Variants in CAMTA1 observed in about 807,000 individuals in gnomAD.
CAMTA1 encodes the protein calmodulin binding transcription activator 1, also known as calmodulin-binding transcription activator 1.
CAMTA1 carries 27 observed loss-of-function variants against 170.9 expected under a neutral mutation model. That is an observed-to-expected ratio of 0.16 (90% CI 0.12 to 0.22). The LOEUF is 0.22. Among genes scored for constraint, CAMTA1 ranks in the 10% least tolerant of loss-of-function variants. CAMTA1 has a pLI of 1.00. For missense variants in CAMTA1, 1,619 were observed against 2,217.2 expected (o/e 0.73, Z 5.42); for synonymous variants, 833 against 891.5 (o/e 0.93, Z 1.17).
chr1:7,684,698 T>C (rs752411855), intron 11 of CAMTA1, among the ~76,000 whole-genome samples: 1 of 152,234 alleles, frequency 6.6e-6, no homozygotes, highest in Non-Finnish European at 1.5e-5. Context: ...GAATTACTAA[T>C]TACATTTGTA....
Position 7,249,465 on chromosome 1 carries a change from G to T in CAMTA1, c.303-26G>T. On this transcript the variant is annotated intron_variant, in intron 4 of 22. Transcript: ENST00000303635. The surrounding 1 kb of genome is among the most constrained non-coding windows in gnomAD (Gnocchi z 4.4). ...ATTTTTCTTCTACTTGGTACTCTTGGTAACTTAACCATTTGTTGTTTCCAG... is the reference window on the plus strand; with the variant it reads ...ATTTTTCTTCTACTTGGTACTCTTGTTAACTTAACCATTTGTTGTTTCCAG... 2 of 1,599,436 alleles carry T rather than the reference G, an allele frequency of 1.3e-6. No individual in the cohort carries two copies. Among genetic ancestry groups the T allele is most frequent in the Non-Finnish European group, 1.7e-6 (2 of 1,171,418 alleles).
intron 6 of CAMTA1, among the ~76,000 whole-genome samples, chr1:7,523,688 C>T (rs556511419): frequency 6.7e-6 from 1 of 149,714 alleles, no homozygotes; most frequent in African/African-American, 2.5e-5. Context: ...ACCATCCTGG[C>T]TAACACGGTG....
chr1:6,814,829 T>C lies in CAMTA1; in HGVS notation c.46-5352T>C, dbSNP rs536356928. Among the ~76,000 whole-genome samples the C allele has an allele frequency of 8.5e-5, 13 of 152,356 alleles. No individual in the cohort carries two copies. The South Asian group carries it at 1.2e-3, about 15-fold the overall frequency. On this transcript the variant is annotated intron_variant, in intron 1 of 22. Coordinates refer to ENST00000303635, the MANE Select transcript of CAMTA1 (RefSeq NM_015215.4). ...AGAACGGTAAATACACTTTTCATTA[T>C]GCTGTTTCTCTGTTCCAAAGCCTGT...
In CAMTA1 at chr1:7,561,900, A is replaced by C. The variant is rs557146583; in HGVS notation, c.511-78500A>C. 6.6e-6 allele frequency among the ~76,000 whole-genome samples: 1 copy of C among 152,136 alleles called. No individual in the cohort carries two copies. The highest frequency in any genetic ancestry group is 2.1e-4 in the South Asian group (1 of 4,826). On this transcript the variant is annotated intron_variant, in intron 6 of 22. Transcript: ENST00000303635. This position sits in a 1 kb window ranked among gnomAD's most constrained non-coding sequence, Gnocchi z 5.3. ...CATCCTCGAGGCAGCCTTCACCAGCATGTGTCACCAGGCACTCCATTTCCT... is the reference window on the plus strand; with the variant it reads ...CATCCTCGAGGCAGCCTTCACCAGCCTGTGTCACCAGGCACTCCATTTCCT...
intron 5 of CAMTA1, among the ~76,000 whole-genome samples, chr1:7,350,663 C>T (rs1181627620): frequency 6.6e-6 from 1 of 152,050 alleles, no homozygotes; most frequent in Non-Finnish European, 1.5e-5. Context: ...GGACTTCTAA[C>T]TTCATATTGA....
intron 3 of CAMTA1, among the ~76,000 whole-genome samples, chr1:6,903,518 A>G (rs1017253339): frequency 6.6e-6 from 1 of 152,202 alleles, no homozygotes; most frequent in African/African-American, 2.4e-5. Flanking sequence ...CCAAGTTTCT[A>G]TGTGGTGCAT....
Position 7,674,210 on chromosome 1 carries a change from T to C in CAMTA1, c.2779+3173T>C, listed in dbSNP as rs2096089372. On this transcript the variant is annotated intron_variant, in intron 10 of 22. Transcript: ENST00000303635. This position sits in a 1 kb window ranked among gnomAD's most constrained non-coding sequence, Gnocchi z 4.1. ...CAAGCAAAACAGATGAGCAGGGTCC[T>C]GCCCTGGCAGCTCCCACACCGTCAC... Among the ~76,000 whole-genome samples, 1 of 152,206 alleles carries C rather than the reference T, an allele frequency of 6.6e-6. No individual in the cohort carries two copies. Among genetic ancestry groups the C allele is most frequent in the Non-Finnish European group, 1.5e-5 (1 of 68,042 alleles).
intron 3 of CAMTA1, among the ~76,000 whole-genome samples, chr1:6,869,404 A>T (rs1049643221): frequency 4.6e-5 from 7 of 152,190 alleles, no homozygotes; most frequent in Non-Finnish European, 1.0e-4. Flanking sequence ...TTACAGCATT[A>T]TTTCTGTGGG....
intron 3 of CAMTA1, among the ~76,000 whole-genome samples, chr1:6,984,044 G>A (rs947455863): frequency 2.0e-5 from 2 of 98,316 alleles, no homozygotes; most frequent in African/African-American, 3.8e-5. Context: ...ATTAATGAAT[G>A]GATAGATGGA....
rs529650235 is a variant in CAMTA1, at chr1:7,584,650, C to T, written c.511-55750C>T. On this transcript the variant is annotated intron_variant, in intron 6 of 22. Coordinates refer to ENST00000303635, the MANE Select transcript of CAMTA1 (RefSeq NM_015215.4). ...AGAACAGAAGAACAGGGGTTCTGCC[C>T]CCATGGGGTTTATATTTCATGTAAG... 1.9e-3 allele frequency among the ~76,000 whole-genome samples: 283 copies of T among 152,206 alleles called. 2 individuals carry two copies. The highest frequency in any genetic ancestry group is 3.3e-3 in the Non-Finnish European group (225 of 67,992).
At chr1:7,452,810 C>CCA (rs1236343931) in intron 5 of CAMTA1, among the ~76,000 whole-genome samples, 1 of 152,164 alleles carries the variant, frequency 6.6e-6, no homozygotes, top group Non-Finnish European at 1.5e-5. Flanking sequence ...GTGAAGTGTG[C>CCA]CACTGTAGAT....
intron 6 of CAMTA1, among the ~76,000 whole-genome samples, chr1:7,631,611 G>GTAC (rs1270787296): frequency 1.3e-5 from 2 of 152,212 alleles, no homozygotes; most frequent in African/African-American, 2.4e-5. Flanking sequence ...GAATGCCACA[G>GTAC]TACTATGCAT....
rs572365073 is a variant in CAMTA1 at position 7,015,819 on chromosome 1, G to T, written c.235-75485G>T. 1.9e-4 allele frequency among the ~76,000 whole-genome samples: 28 copies of T among 150,910 alleles called. No individual in the cohort carries two copies. The East Asian group carries it at 5.2e-3, about 28-fold the overall frequency. ...GGCAAAGGGGAAGCAGGCATGTCCT[G>T]CATGGCTGAGGAGGCCTCAGGAAAC... On this transcript the variant is annotated intron_variant, in intron 3 of 22. Transcript: ENST00000303635.
At position 6,847,715 on chromosome 1, in the gene CAMTA1, T is replaced by G. The variant is rs551502801; in HGVS notation, c.234+22505T>G. Among the ~76,000 whole-genome samples, 390 of 151,052 alleles carry G rather than the reference T, an allele frequency of 2.6e-3. 1 individual carries two copies. The highest frequency in any genetic ancestry group is 9.2e-3 in the African/African-American group (377 of 41,134). The stretch of plus-strand genomic sequence containing the variant: ...CTGCCACCCCCAGCTAACTTTTTTT[T>G]TTTTTTGAGATGGAGTCCCCCTCTG... On this transcript the variant is annotated intron_variant, in intron 3 of 22. Coordinates refer to ENST00000303635, the MANE Select transcript of CAMTA1 (RefSeq NM_015215.4).
At chr1:6,825,996 A>G (rs984736237) in intron 3 of CAMTA1, among the ~76,000 whole-genome samples, 3 of 152,198 alleles carry the variant, frequency 2.0e-5, no homozygotes, top group Non-Finnish European at 4.4e-5. Flanking sequence ...GGTTTTGCCA[A>G]GTTCCATTTG....
At chr1:7,551,124 TTACTCACTAGTCC>T (rs1298411357) in intron 6 of CAMTA1, among the ~76,000 whole-genome samples, 1 of 152,014 alleles carries the variant, frequency 6.6e-6, no homozygotes, top group African/African-American at 2.4e-5. Context: ...CACCACGAGG[TTACTCACTAGTCC>T]CTCCTGGTCT....
intron 3 of CAMTA1, among the ~76,000 whole-genome samples, chr1:6,870,349 T>TA (rs566408465): frequency 1.9e-4 from 28 of 149,138 alleles, no homozygotes; most frequent in East Asian, 9.8e-4. Flanking sequence ...CTATGCAACT[T>TA]AAAAAAAAAA....
intron 5 of CAMTA1, among the ~76,000 whole-genome samples, chr1:7,427,707 G>A (rs2149344301): frequency 6.6e-6 from 1 of 152,300 alleles, no homozygotes; most frequent in East Asian, 1.9e-4. Flanking sequence ...ATTTGAGAAA[G>A]CTCTCCCCTG....
intron 7 of CAMTA1, among the ~76,000 whole-genome samples, chr1:7,650,692 C>T (rs531073272): frequency 9.5e-5 from 14 of 148,142 alleles, no homozygotes; most frequent in East Asian, 3.9e-4. Context: ...CACTCCATCC[C>T]GTCCCCCCTC....
Sources: gnomAD v4.1 joint callset for allele counts (sites outside exome capture counted in the v4.1 genomes callset) on GRCh38, gnomAD v4.1.1 for gene constraint, Gnocchi (gnomAD v3.1) non-coding constraint, MANE v1.5 for transcripts, NCBI Gene and HGNC (gene_info 2026-07-23, HGNC 2026-07-21) for gene names.